The following TJP1 variants were observed in gnomAD, a reference collection of about 807,000 sequenced individuals.
TJP1 encodes the protein tight junction protein ZO-1.
A neutral mutation model predicts 194.2 loss-of-function variants in TJP1; 43 were observed. The observed-to-expected ratio is 0.22, with a 90% CI of 0.17 to 0.29. The LOEUF is 0.29. Among genes scored for constraint, TJP1 ranks in the 10% least tolerant of loss-of-function variants. TJP1 has a pLI of 1.00. For synonymous variants in TJP1, 801 were observed against 779.0 expected, an observed-to-expected ratio of 1.03 and a Z score of -0.47; for missense variants, 1,971 against 2,185.7, an observed-to-expected ratio of 0.90 and a Z score of 1.96.
chr15:29,828,670 T>C (rs2050745362), intron 2 of TJP1, among the ~76,000 whole-genome samples: 1 of 152,070 alleles, frequency 6.6e-6, no homozygotes, highest in East Asian at 1.9e-4. Context: ...CACTTACCCA[T>C]TTTGCTCTCT....
At chr15:29,898,748 G>A (rs186697636) in intron 2 of TJP1, among the ~76,000 whole-genome samples, 175 of 152,214 alleles carry the variant, frequency 1.1e-3, no homozygotes, top group African/African-American at 4.0e-3. Context: ...CTACCTGTTA[G>A]GTATCTGCAA....
chr15:29,859,693 C>A (rs905586536), intron 2 of TJP1, among the ~76,000 whole-genome samples: 8 of 152,162 alleles, frequency 5.3e-5, no homozygotes, highest in Non-Finnish European at 1.0e-4. Context: ...GCCTTCTCAG[C>A]CTGGTCCTCT....
At chr15:29,966,320 T>G (rs1233620654) in intron 1 of TJP1, among the ~76,000 whole-genome samples, 1 of 152,072 alleles carries the variant, frequency 6.6e-6, no homozygotes, top group East Asian at 1.9e-4. Context: ...CTGACCAACA[T>G]GGTAATGCCC....
intron 2 of TJP1, among the ~76,000 whole-genome samples, chr15:29,925,153 G>C (rs753623275): frequency 6.6e-6 from 1 of 152,214 alleles, no homozygotes. Flanking sequence ...CTTGTCTAAA[G>C]CGTGATTCAG....
chr15:29,794,924 A>T (rs1215354273), intron 2 of TJP1, among the ~76,000 whole-genome samples: 1 of 152,318 alleles, frequency 6.6e-6, no homozygotes, highest in East Asian at 1.9e-4. Context: ...CTGAAAACAA[A>T]AGTAGGTATT....
In TJP1 at chr15:29,727,942, C is replaced by G. The variant is rs1420116249; in HGVS notation, c.2095G>C (p.Asp699His). ...IRLHTIKQII[D>H]QDKHALLDVT... ...GTCAAGTTTTAATAACTTACTTGAT[C>G]TATGATTTGCTTTATTGTATGCAGG... is the stretch of plus-strand genomic sequence containing the variant. Residue 699 changes from aspartate (D) to histidine (H), a missense_variant, in exon 16 of 28, where the codon GAT becomes CAT. By Grantham distance (81) the Asp-to-His change is moderately conservative. This residue lies in a region of TJP1 where 402 missense variants were observed against 484.2 expected (regional missense o/e 0.83). Transcript: ENST00000614355. 2 of 1,613,420 alleles carry G rather than the reference C, an allele frequency of 1.2e-6. No homozygotes were observed. Among genetic ancestry groups the G allele is most frequent in the Non-Finnish European group, 1.7e-6 (2 of 1,179,658 alleles).
At chr15:29,799,399 T>C (rs2048628549) in intron 2 of TJP1, among the ~76,000 whole-genome samples, 1 of 151,822 alleles carries the variant, frequency 6.6e-6, no homozygotes, top group Non-Finnish European at 1.5e-5. Context: ...GTTGACTATA[T>C]CTTATCAGAA....
At chr15:29,901,536 G>A (rs1008288960) in intron 2 of TJP1, among the ~76,000 whole-genome samples, 11 of 152,228 alleles carry the variant, frequency 7.2e-5, no homozygotes, top group South Asian at 4.1e-4. Context: ...CAAGTGTCAC[G>A]TCTGACTAGG....
chr15:29,742,681 T>G lies in TJP1; in HGVS notation c.1111A>C (p.Thr371Pro), dbSNP rs771194557. Residue 371 changes from threonine (T) to proline (P), a missense_variant, in exon 9 of 28, where the codon ACA becomes CCA. By Grantham distance (38) the Thr-to-Pro change is conservative (BLOSUM62 -1). Coordinates refer to ENST00000614355, the MANE Select transcript of TJP1 (RefSeq NM_001330239.4). ...GTTTGTTTCTCATTTCTTTCAACTG[T>G]AACTTCTTCCACTGTTTTAGGTGTG... is the stretch of plus-strand genomic sequence containing the variant. ...DHTPKTVEEV[T>P]VERNEKQTPS... 27 of 1,590,894 alleles carry G rather than the reference T, an allele frequency of 1.7e-5. No homozygotes were observed. Among genetic ancestry groups the G allele is most frequent in the Non-Finnish European group, 2.2e-5 (26 of 1,169,966 alleles).
At chr15:29,953,026 A>G (rs1394398028) in intron 2 of TJP1, among the ~76,000 whole-genome samples, 1 of 152,116 alleles carries the variant, frequency 6.6e-6, no homozygotes, top group Non-Finnish European at 1.5e-5. Flanking sequence ...TACAAAGTCA[A>G]CTTCCTTAGA....
chr15:29,837,878 T>C (rs1330384409), intron 2 of TJP1, among the ~76,000 whole-genome samples: 1 of 152,200 alleles, frequency 6.6e-6, no homozygotes, highest in Non-Finnish European at 1.5e-5. Flanking sequence ...AATACACTGA[T>C]TCCTGGTATC....
At chr15:29,830,921 A>G (rs1014303562) in intron 2 of TJP1, among the ~76,000 whole-genome samples, 2 of 152,180 alleles carry the variant, frequency 1.3e-5, no homozygotes, top group Non-Finnish European at 2.9e-5. Flanking sequence ...AGTAGCTCTT[A>G]TTGGCCAAAG....
At chr15:29,899,282 GGACA>G in intron 2 of TJP1, among the ~76,000 whole-genome samples, 1 of 152,232 alleles carries the variant, frequency 6.6e-6, no homozygotes, top group Non-Finnish European at 1.5e-5. Flanking sequence ...AATTATATAT[GGACA>G]GACAAGTTCC....
intron 2 of TJP1, among the ~76,000 whole-genome samples, chr15:29,872,505 G>A (rs748073059): frequency 1.3e-5 from 2 of 152,154 alleles, no homozygotes; most frequent in Non-Finnish European, 2.9e-5. Flanking sequence ...CTGACAAGCC[G>A]AGGGCCTTAA....
At chr15:29,862,477 C>T (rs1596129742) in intron 2 of TJP1, among the ~76,000 whole-genome samples, 1 of 151,852 alleles carries the variant, frequency 6.6e-6, no homozygotes, top group East Asian at 1.9e-4. Context: ...AAAAACCCCT[C>T]GTATACAAAA....
At chr15:29,852,145 A>T (rs2051666029) in intron 2 of TJP1, among the ~76,000 whole-genome samples, 1 of 152,212 alleles carries the variant, frequency 6.6e-6, no homozygotes, top group Non-Finnish European at 1.5e-5. Flanking sequence ...AAAATTAAAA[A>T]TTTTTTGTTC....
Position 29,772,072 on chromosome 15 carries a change from C to T in TJP1, c.304G>A (p.Ala102Thr). The T allele has an allele frequency of 6.3e-7, 1 of 1,592,820 alleles. No individual in the cohort carries two copies. The highest frequency in any genetic ancestry group is 8.5e-7 in the Non-Finnish European group (1 of 1,171,080). The change falls in exon 4 of 28, where the codon GCA becomes ACA. Residue 102 changes from alanine to threonine, a missense_variant. Physicochemically the swap from Ala to Thr is moderately conservative, Grantham distance 58 (BLOSUM62 0). This residue lies in a region of TJP1 where 245 missense variants were observed against 336.6 expected (regional missense o/e 0.73). Transcript: ENST00000614355. ...VQQLRKSGKN[A>T]KITIRRKKKV... The stretch of plus-strand genomic sequence containing the variant: ...AGAGAAAAGATACTTACAATTTTTG[C>T]ATTTTTCCCACTTTTCCTTAGTTGC...
intron 2 of TJP1, among the ~76,000 whole-genome samples, chr15:29,781,207 A>C (rs1171859375): frequency 6.6e-6 from 1 of 152,204 alleles, no homozygotes; most frequent in African/African-American, 2.4e-5. Context: ...CCATGCACAC[A>C]AACTAGAAAA....
chr15:29,752,366 A>G (rs1176259114), intron 8 of TJP1, among the ~76,000 whole-genome samples: 1 of 152,194 alleles, frequency 6.6e-6, no homozygotes, highest in African/African-American at 2.4e-5. Flanking sequence ...GGCCTCCCAA[A>G]GTGCTGAGAT....
Sources: gnomAD v4.1 joint callset for allele counts (sites outside exome capture counted in the v4.1 genomes callset) on GRCh38, gnomAD v4.1.1 for gene constraint, gnomAD v4.1.1 regional missense constraint, MANE v1.5 for transcripts, NCBI Gene and HGNC (gene_info 2026-07-23, HGNC 2026-07-21) for gene names.